Variants in CRPPA observed in about 807,000 individuals in gnomAD.
CRPPA encodes the protein CDP-L-ribitol pyrophosphorylase A, also known as D-ribitol-5-phosphate cytidylyltransferase.
In CRPPA, 43 loss-of-function variants were observed where a neutral mutation model predicts 52.0. That is an observed-to-expected ratio of 0.83 (90% CI 0.65 to 1.07). The LOEUF is 1.07. CRPPA is among the 50% of genes least tolerant of loss of function. CRPPA has a pLI of 0.00. For missense variants in CRPPA, 629 were observed against 551.7 expected (o/e 1.14, Z -1.40); for synonymous variants, 250 against 203.5 (o/e 1.23, Z -1.94).
chr7:16,394,455 C>A (rs1787520991), intron 2 of CRPPA, among the ~76,000 whole-genome samples: 1 of 151,986 alleles, frequency 6.6e-6, no homozygotes. Context: ...AGTGAGACAA[C>A]AAGAAAAACA....
intron 6 of CRPPA, among the ~76,000 whole-genome samples, chr7:16,260,102 G>A (rs1783756058): frequency 6.6e-6 from 1 of 151,978 alleles, no homozygotes; most frequent in South Asian, 2.1e-4. Flanking sequence ...TATCCATTCT[G>A]CGATAGTAAG....
chr7:16,243,587 T>A (rs1562580799), intron 8 of CRPPA, among the ~76,000 whole-genome samples: 1 of 152,110 alleles, frequency 6.6e-6, no homozygotes, highest in Non-Finnish European at 1.5e-5. Flanking sequence ...ACTGAAGAGA[T>A]GGTCCAAAAA....
intron 1 of CRPPA, among the ~76,000 whole-genome samples, chr7:16,418,673 C>T (rs1178170250): frequency 1.3e-5 from 2 of 152,048 alleles, no homozygotes; most frequent in African/African-American, 4.8e-5. Context: ...ATCAAGAGAC[C>T]AGCATGGGGG....
chr7:16,214,017 C>T (rs1266796863), intron 9 of CRPPA, among the ~76,000 whole-genome samples: 4 of 152,120 alleles, frequency 2.6e-5, no homozygotes, highest in Admixed American at 6.5e-5. Flanking sequence ...AGTCAGAAAA[C>T]TTTATACTAC....
chr7:16,328,676 G>C (rs556496381), intron 3 of CRPPA, among the ~76,000 whole-genome samples: 1 of 151,994 alleles, frequency 6.6e-6, no homozygotes, highest in African/African-American at 2.4e-5. Context: ...CACCACGCCC[G>C]GTTAATTTTT....
rs1562608517 is a variant in CRPPA, at chr7:16,286,065, AT to A, written c.836-7840del. ...TATAAATATATATATATATATATATATATATATATATATATAATATTTAAAA... is the reference window on the plus strand; with the variant it reads ...TATAAATATATATATATATATATATAATATATATATATATAATATTTAAAA... On this transcript the variant is annotated intron_variant, in intron 5 of 9. Transcript: ENST00000407010. Among the ~76,000 whole-genome samples, 38 of 35,118 alleles carry A rather than the reference AT, an allele frequency of 1.1e-3. 1 individual carries two copies. The highest frequency in any genetic ancestry group is 5.4e-3 in the African/African-American group (32 of 5,874). 23.0% of individuals were successfully genotyped at this position (35,118 alleles called of 152,430 possible). A position where few individuals can be genotyped will look rare whatever the true frequency, so the allele number is the denominator to read the frequency against.
chr7:16,165,220 C>T (rs1781027961), intron 9 of CRPPA, among the ~76,000 whole-genome samples: 1 of 75,086 alleles, frequency 1.3e-5, no homozygotes, highest in Admixed American at 1.9e-4. Context: ...TCCCAACCTC[C>T]TCCAAGAAAA....
At chr7:16,294,442 T>C (rs1005151418) in intron 5 of CRPPA, among the ~76,000 whole-genome samples, 1 of 146,288 alleles carries the variant, frequency 6.8e-6, no homozygotes, top group African/African-American at 2.6e-5. Flanking sequence ...TTCCTAATCC[T>C]GACCCAAATA....
chr7:16,390,467 C>T (rs4513876), intron 2 of CRPPA, among the ~76,000 whole-genome samples: 4,885 of 152,212 alleles, frequency 0.032, 265 homozygotes, highest in African/African-American at 0.11. Flanking sequence ...ATGACCCCCA[C>T]GTTGCCAAAT....
At chr7:16,143,790 A>G (rs1235526019) in intron 9 of CRPPA, among the ~76,000 whole-genome samples, 2 of 152,188 alleles carry the variant, frequency 1.3e-5, no homozygotes, top group Non-Finnish European at 1.5e-5. Flanking sequence ...CTAGAGGGGT[A>G]CCATCTGGAA....
intron 4 of CRPPA, among the ~76,000 whole-genome samples, chr7:16,304,367 A>C (rs1341588838): frequency 6.6e-6 from 1 of 152,176 alleles, no homozygotes; most frequent in East Asian, 1.9e-4. Context: ...AAGAGCTAGC[A>C]CAGGAAGGTG....
chr7:16,098,551 CACTAAACA>C (rs1180682059), intron 9 of CRPPA, among the ~76,000 whole-genome samples: 2 of 152,116 alleles, frequency 1.3e-5, no homozygotes, highest in African/African-American at 4.8e-5. Flanking sequence ...AAATTTCAAA[CACTAAACA>C]AAAATGTACT....
chr7:16,170,792 C>G (rs1225957156), intron 9 of CRPPA, among the ~76,000 whole-genome samples: 1 of 152,174 alleles, frequency 6.6e-6, no homozygotes, highest in Non-Finnish European at 1.5e-5. Context: ...TGCTGGGGGA[C>G]CTGGTGCACC....
chr7:16,312,866 T>G (rs1025034896), intron 3 of CRPPA, among the ~76,000 whole-genome samples: 7 of 151,972 alleles, frequency 4.6e-5, no homozygotes, highest in African/African-American at 1.7e-4. Context: ...CCTATTGATG[T>G]GATGAAATAC....
chr7:16,342,790 T>TAGATAA (rs1554335244), intron 3 of CRPPA, among the ~76,000 whole-genome samples: 1 of 33,524 alleles, frequency 3.0e-5, no homozygotes, highest in African/African-American at 1.1e-4. Context: ...AAAATATATA[T>TAGATAA]ATATATATCT....
At chr7:16,393,439 T>C (rs1445723302) in intron 2 of CRPPA, among the ~76,000 whole-genome samples, 2 of 151,888 alleles carry the variant, frequency 1.3e-5, no homozygotes, top group Non-Finnish European at 2.9e-5. Context: ...CATGCTCACA[T>C]AGAAACTCAA....
intron 9 of CRPPA, among the ~76,000 whole-genome samples, chr7:16,099,374 G>C (rs1300777637): frequency 5.1e-5 from 7 of 137,566 alleles, no homozygotes; most frequent in Non-Finnish European, 1.1e-4. Context: ...TGTAGAGGAA[G>C]GCAGAGGGAA....
At chr7:16,113,547 T>C (rs1205817445) in intron 9 of CRPPA, among the ~76,000 whole-genome samples, 1 of 152,028 alleles carries the variant, frequency 6.6e-6, no homozygotes, top group Non-Finnish European at 1.5e-5. Flanking sequence ...AGAGACAATC[T>C]TAAAGCAACT....
rs188259863 is a variant in CRPPA at position 16,252,214 on chromosome 7, C to T, written c.1119+6176G>A. 1.2e-4 allele frequency among the ~76,000 whole-genome samples: 18 copies of T among 151,876 alleles called. No homozygotes were observed. In the East Asian group the frequency reaches 3.4e-3, roughly 29 times the overall value. On this transcript the variant is annotated intron_variant, in intron 8 of 9. Coordinates refer to ENST00000407010, the MANE Select transcript of CRPPA (RefSeq NM_001101426.4). Reference sequence around the variant, plus strand: ...AAAAGCCTATCCACTGCAATCAAGTCGGCTTCATCCCTGGGATGCAAGGCT... The same window carrying T: ...AAAAGCCTATCCACTGCAATCAAGTTGGCTTCATCCCTGGGATGCAAGGCT...
Sources: gnomAD v4.1 joint callset for allele counts (sites outside exome capture counted in the v4.1 genomes callset) on GRCh38, gnomAD v4.1.1 for gene constraint, MANE v1.5 for transcripts, NCBI Gene and HGNC (gene_info 2026-07-23, HGNC 2026-07-21) for gene names.